The following TEX36 variants were observed in gnomAD, a reference collection of about 807,000 sequenced individuals.
The protein encoded by TEX36 is testis-expressed protein 36.
In TEX36, 12 loss-of-function variants were observed where a neutral mutation model predicts 13.6. The ratio of observed to expected loss-of-function variants is 0.88; its 90% CI spans 0.56 to 1.43. TEX36 has a LOEUF of 1.43. Among genes scored for constraint, TEX36 ranks in the 40% most tolerant of loss-of-function variants. The pLI is 0.00. For missense variants in TEX36, 224 were observed against 228.3 expected (o/e 0.98, Z 0.12); for synonymous variants, 93 against 83.0 (o/e 1.12, Z -0.65).
chr10:125,603,986 G>T (rs1241820700), intron 3 of TEX36, among the ~76,000 whole-genome samples: 1 of 152,214 alleles, frequency 6.6e-6, no homozygotes, highest in Non-Finnish European at 1.5e-5. Context: ...TTCCGGTTCA[G>T]TCCAGCCTCC....
chr10:125,617,553 T>C (rs1589756672), downstream of TEX36, among the ~76,000 whole-genome samples: 1 of 152,212 alleles, frequency 6.6e-6, no homozygotes. Context: ...TGAAGCTTAG[T>C]TTGGCTGGAT....
intron 3 of TEX36, among the ~76,000 whole-genome samples, chr10:125,604,960 A>G (rs1846197819): frequency 6.6e-6 from 1 of 152,128 alleles, no homozygotes; most frequent in South Asian, 2.1e-4. Context: ...TTCATTACAC[A>G]TTACACTGTA....
intron 3 of TEX36, among the ~76,000 whole-genome samples, chr10:125,585,975 G>A (rs1302641020): frequency 1.3e-5 from 2 of 152,226 alleles, no homozygotes; most frequent in African/African-American, 4.8e-5. Context: ...ATAGGACTGG[G>A]TTGTGTGGTC....
chr10:125,627,693 T>C (rs297238), intron 3 of TEX36, among the ~76,000 whole-genome samples: 32,587 of 152,230 alleles, frequency 0.21, 5,398 homozygotes, highest in African/African-American at 0.46. Flanking sequence ...TACAAATAAA[T>C]AATGCCATCG....
At chr10:125,609,595 G>C (rs1257471322) in intron 3 of TEX36, among the ~76,000 whole-genome samples, 1 of 152,174 alleles carries the variant, frequency 6.6e-6, no homozygotes, top group Non-Finnish European at 1.5e-5. Flanking sequence ...CTACCATATT[G>C]AAGATGGCAG....
intron 3 of TEX36, among the ~76,000 whole-genome samples, chr10:125,599,799 T>G (rs1846123626): frequency 6.6e-6 from 1 of 152,174 alleles, no homozygotes; most frequent in Admixed American, 6.5e-5. Context: ...GCTTCAAAAG[T>G]GTAAATCCCT....
intron 3 of TEX36, among the ~76,000 whole-genome samples, chr10:125,586,748 A>T (rs1228749047): frequency 1.3e-5 from 2 of 151,648 alleles, no homozygotes; most frequent in Non-Finnish European, 2.9e-5. Context: ...CAGAGGTCGC[A>T]GCACTGCACT....
Position 125,661,071 on chromosome 10 carries a change from C to T in TEX36, c.214G>A (p.Val72Met), listed in dbSNP as rs574167239. 6.4e-6 allele frequency: 10 copies of T among 1,551,846 alleles called. No individual in the cohort carries two copies. The highest frequency in any genetic ancestry group is 8.7e-6 in the Non-Finnish European group (10 of 1,147,038). The stretch of plus-strand genomic sequence containing the variant: ...TCCAAGCTGTGCCGATTGTCATGCA[C>T]GGAGAAGGGGAACTGGTTATTCACT... ...QAVNNQFPFS[V>M]HDNRHSLENS... The change falls in exon 3 of 4, where the codon GTG (valine) becomes ATG (methionine). Residue 72 changes from valine (V) to methionine (M), a missense_variant. Coordinates refer to ENST00000368821, the MANE Select transcript of TEX36 (RefSeq NM_001128202.3).
At chr10:125,652,485 T>A (rs905551245), downstream of TEX36, among the ~76,000 whole-genome samples, 5 of 152,172 alleles carry the variant, frequency 3.3e-5, no homozygotes, top group African/African-American at 1.2e-4. Flanking sequence ...AAAAATTAAT[T>A]CAAGATGGAT....
chr10:125,615,542 A>T (rs1846346197), intron 3 of TEX36, among the ~76,000 whole-genome samples: 1 of 151,972 alleles, frequency 6.6e-6, no homozygotes, highest in South Asian at 2.1e-4. Flanking sequence ...TGAGATAATC[A>T]TGTGGTTTTT....
At chr10:125,605,505 G>A (rs1378307207) in intron 3 of TEX36, among the ~76,000 whole-genome samples, 5 of 152,176 alleles carry the variant, frequency 3.3e-5, no homozygotes, top group African/African-American at 1.2e-4. Context: ...ACAGCAATGT[G>A]GTAAGTGCTT....
chr10:125,620,916 A>G (rs1846423405), downstream of TEX36, among the ~76,000 whole-genome samples: 2 of 152,172 alleles, frequency 1.3e-5, no homozygotes, highest in African/African-American at 4.8e-5. Flanking sequence ...TATTTAATAT[A>G]ATATCCTCAA....
intron 3 of TEX36, among the ~76,000 whole-genome samples, chr10:125,582,066 C>A (rs1845890132): frequency 6.6e-6 from 1 of 152,200 alleles, no homozygotes. Context: ...CCCTACTCAG[C>A]CAGCTGGAGG....
At chr10:125,647,127 C>T (rs1167463987) in intron 3 of TEX36, among the ~76,000 whole-genome samples, 1 of 152,070 alleles carries the variant, frequency 6.6e-6, no homozygotes, top group East Asian at 1.9e-4. Context: ...ATTGATATAC[C>T]TTATTATATT....
At chr10:125,595,632 C>T (rs1846073140) in intron 3 of TEX36, among the ~76,000 whole-genome samples, 1 of 152,222 alleles carries the variant, frequency 6.6e-6, no homozygotes, top group African/African-American at 2.4e-5. Context: ...CTTCCAGCTC[C>T]CCAAGCAGGC....
intron 3 of TEX36, among the ~76,000 whole-genome samples, chr10:125,592,890 C>T (rs1317690199): frequency 6.6e-6 from 1 of 152,122 alleles, no homozygotes; most frequent in African/African-American, 2.4e-5. Context: ...GAAGAGATGC[C>T]TAGGATGAGG....
intron 3 of TEX36, among the ~76,000 whole-genome samples, chr10:125,579,170 C>G (rs79448176): frequency 0.024 from 3,639 of 152,312 alleles, 136 homozygotes; most frequent in African/African-American, 0.08. Context: ...TTAGTCCGTT[C>G]TCATGCTGCT....
downstream of TEX36, among the ~76,000 whole-genome samples, chr10:125,653,493 G>A (rs1846895489): frequency 8.1e-6 from 1 of 124,102 alleles, no homozygotes; most frequent in East Asian, 3.0e-4. Flanking sequence ...GTCATGGGGT[G>A]GGGGGAGGGG....
At chr10:125,638,251 T>G (rs1197163427) in intron 3 of TEX36, among the ~76,000 whole-genome samples, 1 of 151,262 alleles carries the variant, frequency 6.6e-6, no homozygotes, top group African/African-American at 2.4e-5. Flanking sequence ...CTTCTCTCCT[T>G]CCCCATCCTC....
Sources: gnomAD v4.1 joint callset for allele counts (sites outside exome capture counted in the v4.1 genomes callset) on GRCh38, gnomAD v4.1.1 for gene constraint, MANE v1.5 for transcripts, NCBI Gene and HGNC (gene_info 2026-07-23, HGNC 2026-07-21) for gene names.